CRPPA: variants seen among roughly 807,000 people sequenced by gnomAD.
CRPPA encodes D-ribitol-5-phosphate cytidylyltransferase.
A neutral mutation model predicts 52.0 loss-of-function variants in CRPPA; 43 were observed. The observed-to-expected ratio is 0.83, with a 90% CI of 0.65 to 1.07. The LOEUF (loss-of-function observed/expected upper bound fraction) is 1.07. Among genes scored for constraint, CRPPA ranks in the 50% least tolerant of loss-of-function variants. The pLI is 0.00. For missense variants in CRPPA, 629 were observed against 551.7 expected (o/e 1.14, Z -1.40); for synonymous variants, 250 against 203.5 (o/e 1.23, Z -1.94).
At chr7:16,409,808 A>G (rs6461253) in intron 1 of CRPPA, among the ~76,000 whole-genome samples, 3,088 of 152,326 alleles carry the variant, frequency 0.02, 122 homozygotes, top group African/African-American at 0.071. Flanking sequence ...AGAAATTTTT[A>G]CCATTTTTCA....
intron 9 of CRPPA, among the ~76,000 whole-genome samples, chr7:16,163,376 T>C (rs969935868): frequency 6.6e-6 from 1 of 152,164 alleles, no homozygotes; most frequent in Admixed American, 6.5e-5. Flanking sequence ...TGGTAAATAT[T>C]CCTCCATCAC....
At chr7:16,331,440 T>C (rs1312943728) in intron 3 of CRPPA, among the ~76,000 whole-genome samples, 1 of 152,136 alleles carries the variant, frequency 6.6e-6, no homozygotes, top group Non-Finnish European at 1.5e-5. Context: ...ACACTATATC[T>C]TTCTGTTAAT....
At chr7:16,193,778 A>G (rs1392821588) in intron 9 of CRPPA, among the ~76,000 whole-genome samples, 1 of 152,120 alleles carries the variant, frequency 6.6e-6, no homozygotes, top group Non-Finnish European at 1.5e-5. Flanking sequence ...CTGAAGCGGG[A>G]CAAAAATACC....
chr7:16,392,916 C>G (rs994258748), intron 2 of CRPPA, among the ~76,000 whole-genome samples: 1 of 152,096 alleles, frequency 6.6e-6, no homozygotes, highest in Non-Finnish European at 1.5e-5. Context: ...TCTATCTTTT[C>G]TCTAAAAAGT....
intron 3 of CRPPA, among the ~76,000 whole-genome samples, chr7:16,369,529 A>G (rs1324221390): frequency 6.6e-6 from 1 of 151,602 alleles, no homozygotes; most frequent in East Asian, 1.9e-4. Flanking sequence ...AAAACAGTAT[A>G]AAATAATATG....
intron 9 of CRPPA, among the ~76,000 whole-genome samples, chr7:16,185,121 C>A (rs1160892369): frequency 6.6e-6 from 1 of 152,112 alleles, no homozygotes; most frequent in Non-Finnish European, 1.5e-5. Context: ...GGGAAATTTA[C>A]AAAAGAAAGA....
At chr7:16,099,780 T>C (rs894715739) in intron 9 of CRPPA, among the ~76,000 whole-genome samples, 2 of 152,178 alleles carry the variant, frequency 1.3e-5, no homozygotes, top group Non-Finnish European at 2.9e-5. Context: ...AAATCAATCA[T>C]AAAGTAAATT....
At chr7:16,197,767 GAAA>G (rs1283673934) in intron 9 of CRPPA, among the ~76,000 whole-genome samples, 7 of 150,662 alleles carry the variant, frequency 4.6e-5, no homozygotes, top group Admixed American at 2.0e-4. Context: ...TGTCTGTGTA[GAAA>G]GAAGTAGACA....
chr7:16,321,305 T>A (rs1785259851), intron 3 of CRPPA, among the ~76,000 whole-genome samples: 1 of 152,122 alleles, frequency 6.6e-6, no homozygotes. Flanking sequence ...CTTTACCCTA[T>A]CATAACTTAT....
intron 9 of CRPPA, among the ~76,000 whole-genome samples, chr7:16,155,654 A>G (rs1320381684): frequency 6.6e-6 from 1 of 152,266 alleles, no homozygotes; most frequent in East Asian, 1.9e-4. Context: ...TTGTAAAAAT[A>G]TAGTATATGA....
chr7:16,398,512 C>A (rs1787683537), intron 2 of CRPPA, among the ~76,000 whole-genome samples: 1 of 152,080 alleles, frequency 6.6e-6, no homozygotes, highest in Non-Finnish European at 1.5e-5. Flanking sequence ...ACGTGATTGG[C>A]ATAGGTCCAA....
Position 16,110,476 on chromosome 7 carries a change from C to A in CRPPA, c.1252-18677G>T, listed in dbSNP as rs527634236. On this transcript the variant is annotated intron_variant, in intron 9 of 9. Coordinates refer to ENST00000407010, the MANE Select transcript of CRPPA (RefSeq NM_001101426.4). The stretch of plus-strand genomic sequence containing the variant: ...CTTGAATAGCCAAGGCAGCCACGAG[C>A]GAAAAGAGCCAAGCTGAAGGCATCA... Among the ~76,000 whole-genome samples the A allele has an allele frequency of 2.0e-5, 3 of 151,954 alleles. No homozygotes were observed. The East Asian group carries it at 5.8e-4, about 29-fold the overall frequency.
At chr7:16,403,502 G>C (rs1787879667) in intron 2 of CRPPA, among the ~76,000 whole-genome samples, 1 of 152,048 alleles carries the variant, frequency 6.6e-6, no homozygotes, top group Non-Finnish European at 1.5e-5. Flanking sequence ...TTCAGAAAAT[G>C]TGTGTGAAGG....
chr7:16,363,577 A>G (rs970022797), intron 3 of CRPPA, among the ~76,000 whole-genome samples: 2 of 152,176 alleles, frequency 1.3e-5, no homozygotes, highest in African/African-American at 4.8e-5. Context: ...CTTTTTAGAG[A>G]AGTGAAAATT....
intron 5 of CRPPA, among the ~76,000 whole-genome samples, chr7:16,279,536 A>C (rs377608073): frequency 2.0e-5 from 3 of 152,318 alleles, no homozygotes; most frequent in South Asian, 2.1e-4. Flanking sequence ...ATTCTAAGTT[A>C]CGTGGTGCTA....
chr7:16,115,714 C>G (rs1236328365), intron 9 of CRPPA, among the ~76,000 whole-genome samples: 1 of 152,154 alleles, frequency 6.6e-6, no homozygotes, highest in Non-Finnish European at 1.5e-5. Flanking sequence ...GGGACACCCT[C>G]AAAATCTGAT....
At position 16,133,420 on chromosome 7, in the gene CRPPA, T is replaced by C. The variant is rs534820600; in HGVS notation, c.1252-41621A>G. 2.4e-5 allele frequency among the ~76,000 whole-genome samples: 3 copies of C among 124,690 alleles called. 1 individual carries two copies. In the South Asian group the frequency reaches 1.1e-3, roughly 47 times the overall value. 81.8% of individuals were successfully genotyped at this position (124,690 alleles called of 152,430 possible). A position where few individuals can be genotyped will look rare whatever the true frequency, so the allele number is the denominator to read the frequency against. On this transcript the variant is annotated intron_variant, in intron 9 of 9. Transcript: ENST00000407010. Reference sequence around the variant, plus strand: ...AAGAGAAATGTAAACAAATTTATAGTATTAAGCTACAACTGCATAAAATTA... The same window carrying C: ...AAGAGAAATGTAAACAAATTTATAGCATTAAGCTACAACTGCATAAAATTA...
At chr7:16,330,120 G>A (rs764739812) in intron 3 of CRPPA, among the ~76,000 whole-genome samples, 21 of 152,232 alleles carry the variant, frequency 1.4e-4, no homozygotes, top group Non-Finnish European at 2.5e-4. Flanking sequence ...TAGCACACAC[G>A]TTAACAACTA....
At chr7:16,102,394 T>C (rs1782064430) in intron 9 of CRPPA, among the ~76,000 whole-genome samples, 1 of 152,160 alleles carries the variant, frequency 6.6e-6, no homozygotes, top group East Asian at 1.9e-4. Context: ...GACACAGGCA[T>C]GGGCAAAGGC....
Sources: allele counts gnomAD v4.1 joint callset (sites outside exome capture counted in the v4.1 genomes callset), GRCh38; gene constraint gnomAD v4.1.1; transcripts MANE v1.5; gene names NCBI Gene and HGNC (gene_info 2026-07-23, HGNC 2026-07-21).